The following LDLRAD3 variants were observed in gnomAD, a reference collection of about 807,000 sequenced individuals.
LDLRAD3 encodes the protein low-density lipoprotein receptor class A domain-containing protein 3.
In LDLRAD3, 20 loss-of-function variants were observed where a neutral mutation model predicts 29.4. The observed-to-expected ratio is 0.68, with a 90% confidence interval of 0.48 to 0.99. LDLRAD3 has a LOEUF of 0.99. Among genes scored for constraint, LDLRAD3 ranks in the 50% least tolerant of loss-of-function variants. The probability of loss-of-function intolerance (pLI) is 0.00; values close to 1 mark genes in which losing one functional copy is unlikely to be tolerated. For synonymous variants in LDLRAD3, 157 were observed against 192.7 expected, an observed-to-expected ratio of 0.81 and a Z score of 1.53; for missense variants, 420 against 454.3, an observed-to-expected ratio of 0.92 and a Z score of 0.69.
At chr11:36,111,736 A>G (rs1853608511) in intron 4 of LDLRAD3, among the ~76,000 whole-genome samples, 1 of 151,992 alleles carries the variant, frequency 6.6e-6, no homozygotes, top group South Asian at 2.1e-4. Context: ...AGTAGCGGGG[A>G]TTACAGGCGC....
chr11:36,094,851 C>T (rs1590262411), intron 3 of LDLRAD3, among the ~76,000 whole-genome samples: 1 of 152,102 alleles, frequency 6.6e-6, no homozygotes, highest in East Asian at 1.9e-4. Context: ...TTAGTCATTT[C>T]TGATTTTTTA....
chr11:35,996,198 A>G (rs1215328148), intron 1 of LDLRAD3, among the ~76,000 whole-genome samples: 1 of 152,186 alleles, frequency 6.6e-6, no homozygotes, highest in African/African-American at 2.4e-5. Flanking sequence ...GAGATGTACA[A>G]CGCTTTCTTC....
At chr11:36,060,905 T>G (rs557454871) in intron 2 of LDLRAD3, among the ~76,000 whole-genome samples, 11 of 152,338 alleles carry the variant, frequency 7.2e-5, no homozygotes, top group African/African-American at 2.4e-4. Flanking sequence ...GCCAACTCAA[T>G]TTATGAAAAT....
In LDLRAD3 at chr11:36,032,012, G is replaced by A. The variant is rs139426781; in HGVS notation, c.47-4091G>A. 4.3e-3 allele frequency among the ~76,000 whole-genome samples: 652 copies of A among 152,256 alleles called. 10 individuals are homozygous for A. Among genetic ancestry groups the A allele is most frequent in the African/African-American group, 0.015 (610 of 41,536 alleles). On this transcript the variant is annotated intron_variant, in intron 1 of 5. Coordinates refer to ENST00000315571, the MANE Select transcript of LDLRAD3 (RefSeq NM_174902.4). Reference sequence around the variant, plus strand: ...CCTCTTTCTTGGCTAATGAGTGGTCGTCTTTTCCCTGTGTCCTCACATGGT... The same window carrying A: ...CCTCTTTCTTGGCTAATGAGTGGTCATCTTTTCCCTGTGTCCTCACATGGT...
chr11:35,986,154 C>T (rs2133162102), intron 1 of LDLRAD3, among the ~76,000 whole-genome samples: 1 of 152,200 alleles, frequency 6.6e-6, no homozygotes, highest in East Asian at 1.9e-4. Flanking sequence ...AAAAATAAGA[C>T]AAAAATCTCT....
At chr11:36,017,653 C>T (rs1478901155) in intron 1 of LDLRAD3, among the ~76,000 whole-genome samples, 3 of 151,834 alleles carry the variant, frequency 2.0e-5, no homozygotes, top group South Asian at 2.1e-4. Flanking sequence ...CTCAGCCTCC[C>T]GAGTAGCTGG....
intron 4 of LDLRAD3, among the ~76,000 whole-genome samples, chr11:36,156,072 A>C (rs1017055484): frequency 2.0e-5 from 3 of 152,214 alleles, no homozygotes; most frequent in Non-Finnish European, 2.9e-5. Flanking sequence ...TAGAGACTCC[A>C]TACAAGAGAT....
chr11:36,131,447 T>C (rs1248082672), intron 4 of LDLRAD3, among the ~76,000 whole-genome samples: 2 of 152,090 alleles, frequency 1.3e-5, no homozygotes, highest in African/African-American at 2.4e-5. Context: ...AGCCAGTTTG[T>C]AAAATAACTA....
chr11:35,952,209 C>T (rs1347373102), intron 1 of LDLRAD3, among the ~76,000 whole-genome samples: 3 of 152,194 alleles, frequency 2.0e-5, no homozygotes, highest in Non-Finnish European at 4.4e-5. Flanking sequence ...AGAATTGGCA[C>T]GTGGGTCTGC....
At chr11:36,065,014 G>A (rs1852768854) in intron 2 of LDLRAD3, among the ~76,000 whole-genome samples, 1 of 152,180 alleles carries the variant, frequency 6.6e-6, no homozygotes, top group African/African-American at 2.4e-5. Flanking sequence ...AGCATGTCCT[G>A]TAGACTTCTA....
In LDLRAD3 at chr11:35,944,388, G is replaced by T. The variant is rs1851029121; in HGVS notation, c.46+244G>T. On this transcript the variant is annotated intron_variant, in intron 1 of 5. Transcript: ENST00000315571. The surrounding 1 kb of genome is among the most constrained non-coding windows in gnomAD (Gnocchi z 4.9). ...GTGTTGTGCTGTGTGCGCGGGCGGG[G>T]CTCTGTGTGCAGTCCGGGTCTGGGG... 6.6e-6 allele frequency among the ~76,000 whole-genome samples: 1 copy of T among 152,234 alleles called. No homozygotes were observed. The highest frequency in any genetic ancestry group is 2.4e-5 in the African/African-American group (1 of 41,586).
intron 1 of LDLRAD3, among the ~76,000 whole-genome samples, chr11:36,023,938 A>G (rs915121928): frequency 6.6e-6 from 1 of 152,246 alleles, no homozygotes; most frequent in African/African-American, 2.4e-5. Context: ...CTTAGGAATA[A>G]TTGAGCTGAG....
intron 4 of LDLRAD3, among the ~76,000 whole-genome samples, chr11:36,149,912 C>T (rs1854253005): frequency 6.6e-6 from 1 of 152,148 alleles, no homozygotes; most frequent in Non-Finnish European, 1.5e-5. Context: ...ATGAATGTGG[C>T]TGAATTGAGG....
intron 1 of LDLRAD3, among the ~76,000 whole-genome samples, chr11:35,960,092 C>T (rs1565125266): frequency 6.6e-6 from 1 of 152,194 alleles, no homozygotes; most frequent in Non-Finnish European, 1.5e-5. Flanking sequence ...ACATCCCTTG[C>T]ATAGGATTTT....
At chr11:36,151,312 A>G (rs1212193898) in intron 4 of LDLRAD3, among the ~76,000 whole-genome samples, 1 of 152,134 alleles carries the variant, frequency 6.6e-6, no homozygotes, top group Non-Finnish European at 1.5e-5. Context: ...AGTATTGTGT[A>G]GTAAGATGGG....
At chr11:36,211,868 A>T (rs772312934) in intron 4 of LDLRAD3, among the ~76,000 whole-genome samples, 3 of 152,178 alleles carry the variant, frequency 2.0e-5, no homozygotes, top group Non-Finnish European at 4.4e-5. Context: ...CGCTCCCTGC[A>T]TCCTGCTTGA....
At chr11:35,945,811 GT>G (rs1851050096) in intron 1 of LDLRAD3, among the ~76,000 whole-genome samples, 1 of 152,146 alleles carries the variant, frequency 6.6e-6, no homozygotes, top group South Asian at 2.1e-4. Flanking sequence ...CTCCATCTCT[GT>G]AAAAATAGTT....
chr11:36,168,498 C>CTTTTTTTT (rs5791083), intron 4 of LDLRAD3, among the ~76,000 whole-genome samples: 183 of 115,388 alleles, frequency 1.6e-3, no homozygotes, highest in Non-Finnish European at 2.2e-3. Context: ...TTTCTTTCTT[C>CTTTTTTTT]TTTTTTTTTT....
rs147067640 is a variant in LDLRAD3, at chr11:36,067,226, G to A, written c.194-14427G>A. Among the ~76,000 whole-genome samples the A allele has an allele frequency of 2.8e-4, 42 of 152,024 alleles. No individual in the cohort carries two copies. The East Asian group carries it at 3.5e-3, about 13-fold the overall frequency. ...CTTTTGCATTCTGGCCATTCCCCAC[G>A]TATTAATTAAGCATCCACTGCTGGG... On this transcript the variant is annotated intron_variant, in intron 2 of 5. Coordinates refer to ENST00000315571, the MANE Select transcript of LDLRAD3 (RefSeq NM_174902.4).
Sources: allele counts gnomAD v4.1 joint callset (sites outside exome capture counted in the v4.1 genomes callset), GRCh38; gene constraint gnomAD v4.1.1; non-coding constraint Gnocchi (gnomAD v3.1); transcripts MANE v1.5; gene names NCBI Gene and HGNC (gene_info 2026-07-23, HGNC 2026-07-21).